The following CAPN8 variants were observed in gnomAD, a reference collection of about 807,000 sequenced individuals.
CAPN8 encodes calpain 8.
In CAPN8, 87 loss-of-function variants were observed where a neutral mutation model predicts 80.9. The ratio of observed to expected loss-of-function variants is 1.07; its 90% confidence interval spans 0.90 to 1.28. The LOEUF (loss-of-function observed/expected upper bound fraction) is 1.28, where lower values mean the gene tolerates loss of function less well. Ranked by LOEUF, CAPN8 falls within the 50% of genes most tolerant of loss-of-function variation. The pLI is 0.00. For missense variants in CAPN8, 757 were observed against 702.0 expected (o/e 1.08, Z -0.89); for synonymous variants, 299 against 273.8 (o/e 1.09, Z -0.91).
chr1:223,547,070 C>G (rs755697713), intron 16 of CAPN8, among the ~76,000 whole-genome samples: 2 of 152,254 alleles, frequency 1.3e-5, no homozygotes, highest in African/African-American at 4.8e-5. Context: ...TGTGCCATCA[C>G]GCCTGGCTAA....
At chr1:223,553,278 G>A (rs980208419) in intron 14 of CAPN8, among the ~76,000 whole-genome samples, 193 of 152,300 alleles carry the variant, frequency 1.3e-3, no homozygotes, top group African/African-American at 4.4e-3. Context: ...AAGGATCAGG[G>A]GTCGCTTCTT....
chr1:223,659,794 T>C (rs1419308), intron 1 of CAPN8, among the ~76,000 whole-genome samples: 87,564 of 152,100 alleles, frequency 0.58, 25,793 homozygotes, highest in East Asian at 0.7. Flanking sequence ...CTCCATTTTA[T>C]GGAAGAGGAA....
chr1:223,617,932 C>T, intron 9 of CAPN8: 1 of 297,372 alleles, frequency 3.4e-6, no homozygotes. Context: ...CTGGTCACAG[C>T]TGCCTGAACC....
At chr1:223,652,747 C>A (rs1108088) in intron 2 of CAPN8, among the ~76,000 whole-genome samples, 34,839 of 151,946 alleles carry the variant, frequency 0.23, 4,174 homozygotes, top group African/African-American at 0.3. Flanking sequence ...CCCCTTTCCG[C>A]TCTGTTCATT....
rs1279002593 is a variant in CAPN8 at position 223,553,845 on chromosome 1, T to G, written c.1628A>C (p.Lys543Thr). The change falls in exon 14 of 21, where the codon AAG (lysine) becomes ACG (threonine). Residue 543 changes from lysine (K) to threonine (T), a missense_variant. Physicochemically the swap from Lys to Thr is moderately conservative, Grantham distance 78. Transcript: ENST00000366872. ...EDDQFRRLFE[K>T]LAGKDSEITA... is the part of the protein sequence containing the mutation. ...CCCTCCACTCACCTTCCCTGCCAACTTCTCAAACAGCCTCCTGAACTGGTC... is the reference window on the plus strand; with the variant it reads ...CCCTCCACTCACCTTCCCTGCCAACGTCTCAAACAGCCTCCTGAACTGGTC... The G allele has an allele frequency of 2.5e-6, 1 of 398,588 alleles. No homozygotes were observed. Among genetic ancestry groups the G allele is most frequent in the Non-Finnish European group, 4.4e-6 (1 of 226,144 alleles). The allele number at this position is 398,588 out of a possible 1,614,324, so 24.7% of individuals were successfully genotyped here.
Position 223,665,404 on chromosome 1 carries a change from C to G in CAPN8, c.237+6G>C, listed in dbSNP as rs1658758986. 6.5e-7 allele frequency: 1 copy of G among 1,549,200 alleles called. No individual in the cohort carries two copies. The highest frequency in any genetic ancestry group is 1.4e-5 in the African/African-American group (1 of 73,082). ...ATGTCACTCAACAGCAAGCCCGCTT[C>G]CTTACCGTGGGCCGCTTCCAGATGA... On this transcript the variant is annotated splice_donor_region_variant and intron_variant, in intron 1 of 20. Transcript: ENST00000366872.
intron 13 of CAPN8, 52 bp from the exon 14 acceptor site, chr1:223,553,952 A>G (rs961927362): frequency 1.2e-4 from 48 of 398,448 alleles, no homozygotes; most frequent in Non-Finnish European, 1.9e-4. Flanking sequence ...AAGGAGAATG[A>G]AAGACGAAGA....
chr1:223,613,291 G>A (rs917327385), intron 10 of CAPN8, among the ~76,000 whole-genome samples: 19 of 152,168 alleles, frequency 1.2e-4, no homozygotes, highest in African/African-American at 4.6e-4. Context: ...AAGAGTCCAG[G>A]GTCACAGTCA....
At chr1:223,658,557 C>A (rs901785075) in intron 1 of CAPN8, among the ~76,000 whole-genome samples, 2 of 152,124 alleles carry the variant, frequency 1.3e-5, no homozygotes, top group Non-Finnish European at 2.9e-5. Flanking sequence ...AATCCCAGCA[C>A]TTTGGGAAGC....
chr1:223,550,724 AGGTGCTGGCTGCTT>A (rs1656761235), intron 15 of CAPN8, among the ~76,000 whole-genome samples: 1 of 152,086 alleles, frequency 6.6e-6, no homozygotes, highest in Non-Finnish European at 1.5e-5. Flanking sequence ...TTGTTCCTTC[AGGTGCTGGCTGCTT>A]GCCAGCACCA....
chr1:223,653,273 G>A (rs780987793), intron 2 of CAPN8, among the ~76,000 whole-genome samples: 1 of 151,216 alleles, frequency 6.6e-6, no homozygotes, highest in Non-Finnish European at 1.5e-5. Context: ...CTGCTTGATC[G>A]TCACGCTCTG....
chr1:223,657,571 A>G (rs1156702886), intron 1 of CAPN8, among the ~76,000 whole-genome samples: 1 of 152,102 alleles, frequency 6.6e-6, no homozygotes, highest in Non-Finnish European at 1.5e-5. Flanking sequence ...GTTCAAGACC[A>G]ACCTGACCAA....
intron 20 of CAPN8, among the ~76,000 whole-genome samples, chr1:223,542,066 C>T (rs1656479889): frequency 6.6e-6 from 1 of 151,974 alleles, no homozygotes; most frequent in Admixed American, 6.6e-5. Flanking sequence ...TCAGAAAAAG[C>T]TCTAGACCCA....
At chr1:223,661,441 C>T (rs1658642026) in intron 1 of CAPN8, among the ~76,000 whole-genome samples, 1 of 152,092 alleles carries the variant, frequency 6.6e-6, no homozygotes, top group African/African-American at 2.4e-5. Context: ...ACCAGCCTGG[C>T]CAACATGGCA....
At chr1:223,647,490 A>G (rs1658221521) in intron 2 of CAPN8, among the ~76,000 whole-genome samples, 1 of 152,100 alleles carries the variant, frequency 6.6e-6, no homozygotes, top group Non-Finnish European at 1.5e-5. Flanking sequence ...GAATGTAACC[A>G]CTTGCCTTAT....
intron 18 of CAPN8, 81 bp from the exon 19 acceptor site, chr1:223,544,264 C>A: frequency 1.5e-6 from 1 of 684,190 alleles, no homozygotes; most frequent in Non-Finnish European, 2.7e-6. Context: ...GAGCTGACAT[C>A]CCAGGGGCCC....
At chr1:223,646,168 G>A (rs536388067) in intron 2 of CAPN8, among the ~76,000 whole-genome samples, 71 of 152,356 alleles carry the variant, frequency 4.7e-4, no homozygotes, top group African/African-American at 1.7e-3. Context: ...GAAAGCACTA[G>A]AGAAAGAACA....
At chr1:223,623,977 T>C (rs1052133185) in intron 6 of CAPN8, among the ~76,000 whole-genome samples, 9 of 144,986 alleles carry the variant, frequency 6.2e-5, no homozygotes, top group Non-Finnish European at 1.2e-4. Flanking sequence ...TCCAGCCTGG[T>C]GATAGAGCAA....
At chr1:223,554,892 T>C (rs1288797852) in intron 13 of CAPN8, among the ~76,000 whole-genome samples, 2 of 152,260 alleles carry the variant, frequency 1.3e-5, no homozygotes, top group Non-Finnish European at 2.9e-5. Context: ...CCAGAGACTT[T>C]CTGATGTGAC....
Sources: allele counts gnomAD v4.1 joint callset (sites outside exome capture counted in the v4.1 genomes callset), GRCh38; gene constraint gnomAD v4.1.1; transcripts MANE v1.5; gene names NCBI Gene and HGNC (gene_info 2026-07-23, HGNC 2026-07-21).